ITGA11: variants seen among roughly 807,000 people sequenced by gnomAD.
The protein encoded by ITGA11 is integrin alpha-11.
ITGA11 carries 97 observed loss-of-function variants against 141.9 expected under a neutral mutation model. That is an observed-to-expected ratio of 0.68 (90% confidence interval 0.58 to 0.81). ITGA11 has a LOEUF of 0.81. ITGA11 is among the 30% of genes least tolerant of loss of function. The pLI is 0.00. For synonymous variants in ITGA11, 658 were observed against 624.6 expected (o/e 1.05, Z -0.80); for missense variants, 1,387 against 1,559.2 (o/e 0.89, Z 1.86).
chr15:68,423,398 G>A lies in ITGA11; in HGVS notation c.52+8617C>T, dbSNP rs1897065590. Among the ~76,000 whole-genome samples the A allele has an allele frequency of 2.6e-5, 4 of 152,096 alleles. No homozygotes were observed. The South Asian group carries it at 8.3e-4, about 32-fold the overall frequency. Reference sequence around the variant, plus strand: ...GGCAGCCAGGAGAAATGAGGCAGAGGGTAGAATCAGACATAGGCAACAACA... The same window carrying A: ...GGCAGCCAGGAGAAATGAGGCAGAGAGTAGAATCAGACATAGGCAACAACA... On this transcript the variant is annotated intron_variant, in intron 1 of 29. Coordinates refer to ENST00000315757, the MANE Select transcript of ITGA11 (RefSeq NM_001004439.2).
intron 1 of ITGA11, among the ~76,000 whole-genome samples, chr15:68,408,523 A>G (rs1045243910): frequency 6.6e-6 from 1 of 152,074 alleles, no homozygotes; most frequent in Non-Finnish European, 1.5e-5. Flanking sequence ...GATGGGTCCT[A>G]TCAGCTTGGG....
In ITGA11 at chr15:68,328,206, T is replaced by G. The variant is rs1424894123; in HGVS notation, c.1958A>C (p.Asn653Thr). 2 of 1,613,912 alleles carry G rather than the reference T, an allele frequency of 1.2e-6. No individual in the cohort carries two copies. The highest frequency in any genetic ancestry group is 1.7e-6 in the Non-Finnish European group (2 of 1,179,882). Reference protein sequence around the residue: ...ASLHFEPSKINIFHRDCKRSG... With the variant: ...ASLHFEPSKITIFHRDCKRSG... ...GCGCTTGCAGTCTCTGTGGAAGATG[T>G]TGATCTTGGATGGCTCAAAGTGGAG... The change falls in exon 16 of 30, where the codon AAC becomes ACC. Residue 653 changes from asparagine to threonine, a missense_variant. Asn to Thr is a moderately conservative substitution (Grantham distance 65). Transcript: ENST00000315757. The surrounding 1 kb of genome is among the most constrained non-coding windows in gnomAD (Gnocchi z 4.8).
In ITGA11 at chr15:68,321,584, C is replaced by T. The variant is rs8041788; in HGVS notation, c.2323-81G>A. ...CCTCAATGTACACCAGCTCTGTCTCCACCACACTAGACATGGGCTGGCTTT... is the reference window on the plus strand; with the variant it reads ...CCTCAATGTACACCAGCTCTGTCTCTACCACACTAGACATGGGCTGGCTTT... On this transcript the variant is annotated intron_variant, in intron 18 of 29. Transcript: ENST00000315757. The surrounding 1 kb of genome is among the most constrained non-coding windows in gnomAD (Gnocchi z 4.9). 0.19 allele frequency: 149,185 copies of T among 791,630 alleles called. 17,002 individuals carry two copies. The highest frequency in any genetic ancestry group is 0.47 in the African/African-American group (25,780 of 54,990). 49.0% of individuals were successfully genotyped at this position (791,630 alleles called of 1,614,324 possible).
chr15:68,405,659 TGGCCAGTGAA>T (rs1896633657), intron 1 of ITGA11, among the ~76,000 whole-genome samples: 1 of 152,098 alleles, frequency 6.6e-6, no homozygotes, highest in Non-Finnish European at 1.5e-5. Flanking sequence ...CACAGGTCCC[TGGCCAGTGAA>T]GGCATGTCAC....
intron 20 of ITGA11, 34 bp from the exon 21 acceptor site, chr15:68,317,397 T>C: frequency 6.9e-7 from 1 of 1,459,648 alleles, no homozygotes; most frequent in South Asian, 1.1e-5. Context: ...TGGCAGCAGT[T>C]AGGTGGGGCC....
chr15:68,320,305 C>G lies in ITGA11; in HGVS notation c.2496G>C (p.Glu832Asp). 1 of 1,613,954 alleles carries G rather than the reference C, an allele frequency of 6.2e-7. No individual in the cohort carries two copies. Among genetic ancestry groups the G allele is most frequent in the Admixed American group, 1.7e-5 (1 of 60,018 alleles). The change falls in exon 20 of 30, where the codon GAG becomes GAC. Residue 832 changes from glutamate (E) to aspartate (D), a missense_variant. Glu to Asp is a conservative substitution (Grantham distance 45). Coordinates refer to ENST00000315757, the MANE Select transcript of ITGA11 (RefSeq NM_001004439.2). ...LSFDTTVFII[E>D]STRQRVAVEA... ...CCACCGCCACTCGCTGGCGTGTGCT[C>G]TCTATGATGAAGACTGTGGTGTCGA...
intron 2 of ITGA11, among the ~76,000 whole-genome samples, chr15:68,380,304 C>T (rs1895827537): frequency 6.6e-6 from 1 of 152,166 alleles, no homozygotes; most frequent in Non-Finnish European, 1.5e-5. Context: ...TCTAACCTAT[C>T]CCCAGATGGG....
chr15:68,375,387 G>C (rs1481463982), intron 2 of ITGA11, among the ~76,000 whole-genome samples: 2 of 152,230 alleles, frequency 1.3e-5, no homozygotes, highest in African/African-American at 4.8e-5. Context: ...CATGGAAAAT[G>C]GAATCTCCTC....
In ITGA11 at chr15:68,332,342, C is replaced by T; in HGVS notation, c.1562G>A (p.Arg521Lys). 1 of 1,604,450 alleles carries T rather than the reference C, an allele frequency of 6.2e-7. No homozygotes were observed. Residue 521 changes from arginine (R) to lysine (K), a missense_variant, in exon 13 of 30, where the codon AGA (arginine) becomes AAA (lysine). By Grantham distance (26) the Arg-to-Lys change is conservative. Coordinates refer to ENST00000315757, the MANE Select transcript of ITGA11 (RefSeq NM_001004439.2). The part of the protein sequence containing the change: ...ERGKVYVYEL[R>K]QNLFVYNGTL... ...CCAGCCCCTGCCCAGCTGTACCTGTCTCAGCTCATAGACGTACACCTTGCC... is the reference window on the plus strand; with the variant it reads ...CCAGCCCCTGCCCAGCTGTACCTGTTTCAGCTCATAGACGTACACCTTGCC...
intron 1 of ITGA11, among the ~76,000 whole-genome samples, chr15:68,416,142 G>A (rs533446821): frequency 1.3e-5 from 2 of 152,250 alleles, no homozygotes; most frequent in East Asian, 3.9e-4. Context: ...TCAATGTCCT[G>A]TTGTATGGTA....
At chr15:68,336,314 C>T (rs1894356453) in intron 11 of ITGA11, among the ~76,000 whole-genome samples, 1 of 152,160 alleles carries the variant, frequency 6.6e-6, no homozygotes, top group Non-Finnish European at 1.5e-5. Context: ...CTAAGTGGCT[C>T]ACTGAGGACT....
At chr15:68,425,192 C>A (rs990723689) in intron 1 of ITGA11, among the ~76,000 whole-genome samples, 1 of 152,138 alleles carries the variant, frequency 6.6e-6, no homozygotes, top group Non-Finnish European at 1.5e-5. Flanking sequence ...AACAGGCCCA[C>A]GGGGAGAGCC....
intron 1 of ITGA11, among the ~76,000 whole-genome samples, chr15:68,427,061 G>C (rs1274190635): frequency 7.6e-6 from 1 of 131,452 alleles, no homozygotes; most frequent in Non-Finnish European, 1.6e-5. Context: ...CTGGGGGTCA[G>C]ACAAATCCCA....
chr15:68,387,631 G>A (rs1896018165), intron 2 of ITGA11, among the ~76,000 whole-genome samples: 1 of 152,136 alleles, frequency 6.6e-6, no homozygotes, highest in African/African-American at 2.4e-5. Flanking sequence ...TTCTGTGTGT[G>A]TTAATGTATA....
chr15:68,372,496 C>G (rs959710302), intron 2 of ITGA11, among the ~76,000 whole-genome samples: 1 of 152,238 alleles, frequency 6.6e-6, no homozygotes, highest in African/African-American at 2.4e-5. Context: ...TGCTGTGAGT[C>G]ACTGGCTGCG....
At chr15:68,339,776 C>A (rs1894503529) in intron 10 of ITGA11, 132 bp from the exon 11 acceptor site, 2 of 963,820 alleles carry the variant, frequency 2.1e-6, no homozygotes, top group African/African-American at 1.6e-5. Context: ...CATTATTTAG[C>A]AACCTAACTT....
At chr15:68,350,016 GC>G (rs1301369079) in intron 9 of ITGA11, among the ~76,000 whole-genome samples, 1 of 152,142 alleles carries the variant, frequency 6.6e-6, no homozygotes, top group African/African-American at 2.4e-5. Context: ...CTAGTTCAAA[GC>G]CCACCATGCT....
intron 2 of ITGA11, among the ~76,000 whole-genome samples, chr15:68,374,615 G>A (rs1187400633): frequency 6.6e-6 from 1 of 152,226 alleles, no homozygotes; most frequent in East Asian, 1.9e-4. Context: ...TGTGTCTGTT[G>A]AGGCAGGCAG....
Position 68,297,503 on chromosome 15 carries a change from G to A in ITGA11, c.*5556C>T, listed in dbSNP as rs1243951154. On this transcript the variant is annotated 3_prime_UTR_variant, in exon 30 of 30. Coordinates refer to ENST00000315757, the MANE Select transcript of ITGA11 (RefSeq NM_001004439.2). ...TAGGTAAATCATACACCTGTATCCA[G>A]AGTTTTGTTTTGTTTTTTTTTTTAG... 2 of 131,376 alleles carry A rather than the reference G, an allele frequency of 1.5e-5. No homozygotes were observed. The highest frequency in any genetic ancestry group is 7.6e-5 in the Admixed American group (1 of 13,130). 8.1% of individuals were successfully genotyped at this position (131,376 alleles called of 1,614,324 possible).
Sources: allele counts gnomAD v4.1 joint callset (sites outside exome capture counted in the v4.1 genomes callset), GRCh38; gene constraint gnomAD v4.1.1; non-coding constraint Gnocchi (gnomAD v3.1); transcripts MANE v1.5; gene names NCBI Gene and HGNC (gene_info 2026-07-23, HGNC 2026-07-21).